IKZF3: variants seen among roughly 807,000 people sequenced by gnomAD.
The protein encoded by IKZF3 is zinc finger protein Aiolos.
In IKZF3, 10 loss-of-function variants were observed where a neutral mutation model predicts 49.0. That is an observed-to-expected ratio of 0.20 (90% CI 0.13 to 0.35). The LOEUF (loss-of-function observed/expected upper bound fraction) is 0.35. Ranked by LOEUF, IKZF3 falls within the 10% of genes least tolerant of loss-of-function variation. The probability of loss-of-function intolerance (pLI) is 1.00; values close to 1 mark genes in which losing one functional copy is unlikely to be tolerated. For missense variants in IKZF3, 498 were observed against 664.8 expected (o/e 0.75, Z 2.76); for synonymous variants, 209 against 228.2 (o/e 0.92, Z 0.76).
intron 3 of IKZF3, among the ~76,000 whole-genome samples, chr17:39,827,452 C>T (rs2061987135): frequency 6.6e-6 from 1 of 152,036 alleles, no homozygotes; most frequent in Non-Finnish European, 1.5e-5. Flanking sequence ...CACCACCACA[C>T]CTGGCTAATT....
intron 7 of IKZF3, among the ~76,000 whole-genome samples, chr17:39,767,048 C>G (rs1035354493): frequency 6.6e-6 from 1 of 152,164 alleles, no homozygotes; most frequent in Non-Finnish European, 1.5e-5. Flanking sequence ...AATAGCCCCC[C>G]AGACTCCAAC....
rs2060246785 is a variant in IKZF3, at chr17:39,764,506, C to T, written c.*1284G>A. On this transcript the variant is annotated 3_prime_UTR_variant, in exon 8 of 8. Coordinates refer to ENST00000346872, the MANE Select transcript of IKZF3 (RefSeq NM_012481.5). ...AAAAAGTTAAACGATTTCTCAAAGT[C>T]ACATAGCTAATTAGCCAGCATTTTG... 1 of 151,750 alleles carries T rather than the reference C, an allele frequency of 6.6e-6. No homozygotes were observed. The highest frequency in any genetic ancestry group is 6.6e-5 in the Admixed American group (1 of 15,182). The allele number at this position is 151,750 out of a possible 1,614,324, so 9.4% of individuals were successfully genotyped here.
intron 7 of IKZF3, among the ~76,000 whole-genome samples, chr17:39,767,532 G>A (rs978988400): frequency 1.3e-5 from 2 of 152,110 alleles, no homozygotes; most frequent in African/African-American, 4.8e-5. Context: ...TGTCAGCTTG[G>A]ATCCTGGAGG....
chr17:39,808,190 A>G (rs990112595), intron 3 of IKZF3, among the ~76,000 whole-genome samples: 7 of 152,216 alleles, frequency 4.6e-5, no homozygotes, highest in Non-Finnish European at 1.0e-4. Context: ...TTTCTGAGCT[A>G]TGATTACTTC....
chr17:39,844,644 T>C (rs1483913615), intron 1 of IKZF3, among the ~76,000 whole-genome samples: 1 of 152,172 alleles, frequency 6.6e-6, no homozygotes, highest in African/African-American at 2.4e-5. Flanking sequence ...TTTTATTTTT[T>C]ATTTTTTTGC....
chr17:39,766,507 C>A lies in IKZF3; in HGVS notation c.827-14G>T. On this transcript the variant is annotated splice_polypyrimidine_tract_variant and intron_variant, in intron 7 of 7. Transcript: ENST00000346872. ...GGCGCTTCTCACCTGGAACAAGTGA[C>A]AGAAAGGGTTACAAAGGGAACACTG... 1 of 1,588,410 alleles carries A rather than the reference C, an allele frequency of 6.3e-7. No homozygotes were observed. The highest frequency in any genetic ancestry group is 1.1e-5 in the South Asian group (1 of 89,900).
intron 6 of IKZF3, among the ~76,000 whole-genome samples, chr17:39,779,848 T>A (rs921056090): frequency 5.3e-5 from 8 of 152,272 alleles, no homozygotes; most frequent in African/African-American, 1.2e-4. Context: ...GAACTATCCA[T>A]ACATTTCTAT....
At chr17:39,854,312 T>C (rs887542079) in intron 1 of IKZF3, among the ~76,000 whole-genome samples, 14 of 150,916 alleles carry the variant, frequency 9.3e-5, no homozygotes, top group Admixed American at 8.6e-4. Context: ...GCTGCATCAA[T>C]TTAAAAAAAA....
At chr17:39,837,777 T>C (rs1158250428) in intron 1 of IKZF3, among the ~76,000 whole-genome samples, 1 of 152,034 alleles carries the variant, frequency 6.6e-6, no homozygotes, top group Non-Finnish European at 1.5e-5. Context: ...TAGCTGGGAC[T>C]ACAGGCGCCC....
intron 1 of IKZF3, among the ~76,000 whole-genome samples, chr17:39,856,576 C>T (rs889501777): frequency 1.3e-5 from 2 of 152,054 alleles, no homozygotes; most frequent in African/African-American, 2.4e-5. Flanking sequence ...GATGCCAAGG[C>T]GGGCGGATCA....
intron 3 of IKZF3, among the ~76,000 whole-genome samples, chr17:39,802,823 C>CAAA (rs558413530): frequency 6.0e-5 from 3 of 50,270 alleles, no homozygotes; most frequent in African/African-American, 1.4e-4. Context: ...AGACCTGTCT[C>CAAA]AAAAAAAAAA....
chr17:39,801,490 G>A (rs2143997334), intron 3 of IKZF3, among the ~76,000 whole-genome samples: 1 of 152,244 alleles, frequency 6.6e-6, no homozygotes, highest in East Asian at 1.9e-4. Flanking sequence ...AGAGCAAAAT[G>A]GGAAATATAT....
chr17:39,765,616 C>A lies in IKZF3; in HGVS notation c.*174G>T. ...CAAAAGTAATAATATGCTAGACCTG[C>A]GAATAATTTCTGAAGGAAGACAGTG... On this transcript the variant is annotated 3_prime_UTR_variant, in exon 8 of 8. Transcript: ENST00000346872. 2 of 554,598 alleles carry A rather than the reference C, an allele frequency of 3.6e-6. No individual in the cohort carries two copies. Among genetic ancestry groups the A allele is most frequent in the Non-Finnish European group, 3.2e-6 (1 of 314,462 alleles). 34.4% of individuals were successfully genotyped at this position (554,598 alleles called of 1,614,324 possible). A position where few individuals can be genotyped will look rare whatever the true frequency, so the allele number is the denominator to read the frequency against.
chr17:39,814,039 T>C (rs1437677651), intron 3 of IKZF3, among the ~76,000 whole-genome samples: 1 of 152,218 alleles, frequency 6.6e-6, no homozygotes, highest in Non-Finnish European at 1.5e-5. Context: ...TTAATTTTTT[T>C]TCCCCTTTCA....
At chr17:39,849,141 T>C (rs1301604690) in intron 1 of IKZF3, among the ~76,000 whole-genome samples, 1 of 152,104 alleles carries the variant, frequency 6.6e-6, no homozygotes, top group Non-Finnish European at 1.5e-5. Flanking sequence ...TCTGACAAAG[T>C]ACACATTACT....
At position 39,777,685 on chromosome 17, in the gene IKZF3, T is replaced by A. The variant is rs201943168; in HGVS notation, c.792A>T (p.Ala264=). 6.8e-5 allele frequency: 109 copies of A among 1,613,910 alleles called. No homozygotes were observed. In the East Asian group the frequency reaches 2.4e-3, roughly 36 times the overall value. Residue 264 remains alanine (A), a synonymous_variant, in exon 7 of 8, where the codon GCA becomes GCT. Coordinates refer to ENST00000346872, the MANE Select transcript of IKZF3 (RefSeq NM_012481.5). ...TCTGAGGCATTGAGCTTTTTCGTTTTGCCACATTGCTTGCTAATCTGTCCA... is the reference window on the plus strand; with the variant it reads ...TCTGAGGCATTGAGCTTTTTCGTTTAGCCACATTGCTTGCTAATCTGTCCA... ...LVLDRLASNV[A]KRKSSMPQKF...
chr17:39,797,167 G>GA (rs753833061), intron 3 of IKZF3, among the ~76,000 whole-genome samples: 8,634 of 132,218 alleles, frequency 0.065, 375 homozygotes, highest in African/African-American at 0.14. Context: ...TCCGTCTCAA[G>GA]AAAAAAAAAA....
chr17:39,790,026 C>A (rs1254243834), intron 5 of IKZF3, among the ~76,000 whole-genome samples: 1 of 152,142 alleles, frequency 6.6e-6, no homozygotes, highest in Admixed American at 6.5e-5. Flanking sequence ...TCCCCAAATG[C>A]TTTATTGCTT....
chr17:39,816,821 C>G (rs1012065261), intron 3 of IKZF3, among the ~76,000 whole-genome samples: 5 of 152,238 alleles, frequency 3.3e-5, no homozygotes, highest in Non-Finnish European at 4.4e-5. Flanking sequence ...TCAGAAGATT[C>G]TCCCACCTCA....
Sources: gnomAD v4.1 joint callset for allele counts (sites outside exome capture counted in the v4.1 genomes callset) on GRCh38, gnomAD v4.1.1 for gene constraint, MANE v1.5 for transcripts, NCBI Gene and HGNC (gene_info 2026-07-23, HGNC 2026-07-21) for gene names.